SHANK2: variants seen among roughly 807,000 people sequenced by gnomAD.
SHANK2 encodes SH3 and multiple ankyrin repeat domains 2.
In SHANK2, 43 loss-of-function variants were observed where a neutral mutation model predicts 133.7. That is an observed-to-expected ratio of 0.32 (90% confidence interval 0.25 to 0.41). The LOEUF (loss-of-function observed/expected upper bound fraction) is 0.41. Ranked by LOEUF, SHANK2 falls within the 10% of genes least tolerant of loss-of-function variation. The pLI is 1.00. For missense variants in SHANK2, 1,994 were observed against 2,235.8 expected (o/e 0.89, Z 2.18); for synonymous variants, 1,017 against 952.8 (o/e 1.07, Z -1.24).
chr11:71,217,512 AAAAGT>A (rs1397836966), intron 2 of SHANK2, among the ~76,000 whole-genome samples: 5 of 152,176 alleles, frequency 3.3e-5, no homozygotes, highest in African/African-American at 1.2e-4. Flanking sequence ...TCAAAAAAAA[AAAAGT>A]AAACTGTAAA....
chr11:70,492,882 G>A (rs1243051551), intron 21 of SHANK2, among the ~76,000 whole-genome samples: 30 of 126,010 alleles, frequency 2.4e-4, no homozygotes, highest in Non-Finnish European at 3.9e-4. Flanking sequence ...TGCAACCTCC[G>A]CCTCCCAGGT....
chr11:70,932,899 T>C (rs534971038), intron 10 of SHANK2, among the ~76,000 whole-genome samples: 1 of 152,332 alleles, frequency 6.6e-6, no homozygotes, highest in South Asian at 2.1e-4. Context: ...ACTGGAACTC[T>C]TGCACACTGT....
intron 14 of SHANK2, among the ~76,000 whole-genome samples, chr11:70,751,587 C>T (rs1194936479): frequency 6.6e-6 from 1 of 152,256 alleles, no homozygotes; most frequent in South Asian, 2.1e-4. Flanking sequence ...GAAGTACAGA[C>T]AAAATGGTCA....
At position 70,854,025 on chromosome 11, in the gene SHANK2, A is replaced by C. The variant is rs868976369; in HGVS notation, c.1175-33343T>G. Among the ~76,000 whole-genome samples, 5 of 152,164 alleles carry C rather than the reference A, an allele frequency of 3.3e-5. No homozygotes were observed. The South Asian group carries it at 6.2e-4, about 19-fold the overall frequency. On this transcript the variant is annotated intron_variant, in intron 11 of 25. Coordinates refer to ENST00000601538, the MANE Select transcript of SHANK2 (RefSeq NM_012309.5). The stretch of plus-strand genomic sequence containing the variant: ...TAAATAAGGTCACATTCTGAGGTTC[A>C]AGTTGGACATGAAATTGAGGGGACA...
At chr11:70,602,240 C>T (rs1456334987) in intron 17 of SHANK2, among the ~76,000 whole-genome samples, 2 of 152,214 alleles carry the variant, frequency 1.3e-5, no homozygotes, top group Non-Finnish European at 2.9e-5. Context: ...GCTTCTTGTA[C>T]AGCCTGCAGA....
In SHANK2 at chr11:71,188,501, T is replaced by G. The variant is rs1953721144; in HGVS notation, c.-13+36196A>C. On this transcript the variant is annotated intron_variant, in intron 2 of 25. Transcript: ENST00000601538. This position sits in a 1 kb window ranked among gnomAD's most constrained non-coding sequence, Gnocchi z 4.6. ...GGGAACAGGAAAACACTGCAAATAT[T>G]TACAGTGGACGTACGAAAAGGCACA... Among the ~76,000 whole-genome samples, 1 of 152,052 alleles carries G rather than the reference T, an allele frequency of 6.6e-6. No homozygotes were observed. Among genetic ancestry groups the G allele is most frequent in the African/African-American group, 2.4e-5 (1 of 41,378 alleles).
chr11:71,212,772 C>G (rs538034294), intron 2 of SHANK2, among the ~76,000 whole-genome samples: 2 of 152,202 alleles, frequency 1.3e-5, no homozygotes, highest in African/African-American at 4.8e-5. Context: ...AGCTTTAGGA[C>G]GTTCTTGCCA....
chr11:70,916,277 T>C (rs572385051), intron 10 of SHANK2, among the ~76,000 whole-genome samples: 8 of 152,230 alleles, frequency 5.3e-5, no homozygotes, highest in South Asian at 4.2e-4. Flanking sequence ...CTGAGTTTAA[T>C]ACTCACGGGC....
At chr11:70,630,110 T>G (rs1027570250) in intron 17 of SHANK2, among the ~76,000 whole-genome samples, 1 of 152,200 alleles carries the variant, frequency 6.6e-6, no homozygotes, top group African/African-American at 2.4e-5. Flanking sequence ...TGGCCCCCAC[T>G]CAGCTTGCCC....
At chr11:70,646,077 A>C (rs1263466382) in intron 17 of SHANK2, 3 of 152,148 alleles carry the variant, frequency 2.0e-5, no homozygotes, top group East Asian at 3.9e-4. Context: ...AGTCCTTGTT[A>C]TTGTTCCCAG....
At chr11:71,066,696 C>A (rs1951067622) in intron 9 of SHANK2, among the ~76,000 whole-genome samples, 2 of 152,284 alleles carry the variant, frequency 1.3e-5, no homozygotes, top group South Asian at 4.1e-4. Flanking sequence ...GTTAAGCTAT[C>A]TTTTGAAATA....
In SHANK2 at chr11:70,479,637, T is replaced by C. The variant is rs1344185508; in HGVS notation, c.4979+5677A>G. Among the ~76,000 whole-genome samples, 1 of 152,230 alleles carries C rather than the reference T, an allele frequency of 6.6e-6. No individual in the cohort carries two copies. The highest frequency in any genetic ancestry group is 1.5e-5 in the Non-Finnish European group (1 of 68,036). On this transcript the variant is annotated intron_variant, in intron 25 of 25. Coordinates refer to ENST00000601538, the MANE Select transcript of SHANK2 (RefSeq NM_012309.5). This position sits in a 1 kb window ranked among gnomAD's most constrained non-coding sequence, Gnocchi z 4.4. ...TAGAGGGGACTCTGGGGAACTCTTA[T>C]AGGCCATGCACCCTAACAGAAGCCA...
At chr11:70,586,795 C>T (rs986590247) in intron 17 of SHANK2, among the ~76,000 whole-genome samples, 8 of 152,324 alleles carry the variant, frequency 5.3e-5, no homozygotes, top group Middle Eastern at 3.4e-3. Context: ...TACCGCTCCC[C>T]GGAACGGGGA....
intron 1 of SHANK2, among the ~76,000 whole-genome samples, chr11:71,246,036 G>T (rs1466545042): frequency 6.6e-6 from 1 of 152,050 alleles, no homozygotes; most frequent in African/African-American, 2.4e-5. Context: ...TGCTCTCAGG[G>T]GTACAAATGA....
intron 12 of SHANK2, among the ~76,000 whole-genome samples, chr11:70,818,384 A>T (rs1948445828): frequency 6.6e-6 from 1 of 152,132 alleles, no homozygotes; most frequent in African/African-American, 2.4e-5. Flanking sequence ...GGAAACAGGG[A>T]TGGTCAGACC....
chr11:71,176,942 T>C (rs140529311), intron 2 of SHANK2, among the ~76,000 whole-genome samples: 2 of 152,118 alleles, frequency 1.3e-5, no homozygotes, highest in Non-Finnish European at 2.9e-5. Flanking sequence ...AAACCAAAGA[T>C]AAAGAAAAAA....
At chr11:71,090,443 G>C (rs1251692912) in intron 8 of SHANK2, among the ~76,000 whole-genome samples, 7,147 of 8,506 alleles carry the variant, frequency 0.84, 3,069 homozygotes, top group African/African-American at 0.86. Context: ...GAAACACTAC[G>C]TGTGTGTGTG....
At chr11:70,844,830 C>T (rs7125616) in intron 11 of SHANK2, among the ~76,000 whole-genome samples, 5,326 of 152,254 alleles carry the variant, frequency 0.035, 271 homozygotes, top group African/African-American at 0.12. Context: ...GCCCTGGGCA[C>T]GTGTCTGGCC....
rs2059103774 is a variant in SHANK2, at chr11:70,504,291, T to C, written c.2062-1360A>G. 3.1e-5 allele frequency among the ~76,000 whole-genome samples: 4 copies of C among 128,264 alleles called. No individual in the cohort carries two copies. In the South Asian group the frequency reaches 1.1e-3, roughly 36 times the overall value. The allele number at this position is 128,264 out of a possible 152,430, so 84.1% of individuals were successfully genotyped here. On this transcript the variant is annotated intron_variant, in intron 17 of 25. Transcript: ENST00000601538. ...TGGATTTTCACAAATCCAACATCCC[T>C]GTAAGAGCTGGATAGAAGCAGGTAC...
Sources: gnomAD v4.1 joint callset for allele counts (sites outside exome capture counted in the v4.1 genomes callset) on GRCh38, gnomAD v4.1.1 for gene constraint, Gnocchi (gnomAD v3.1) non-coding constraint, MANE v1.5 for transcripts, NCBI Gene and HGNC (gene_info 2026-07-23, HGNC 2026-07-21) for gene names.